HNRNPM: variants seen among roughly 807,000 people sequenced by gnomAD.
HNRNPM encodes CEA receptor.
A neutral mutation model predicts 73.1 loss-of-function variants in HNRNPM; 11 were observed. The observed-to-expected ratio is 0.15, with a 90% confidence interval of 0.09 to 0.25. HNRNPM has a LOEUF of 0.25. Ranked by LOEUF, HNRNPM falls within the 10% of genes least tolerant of loss-of-function variation. The pLI is 1.00. For missense variants in HNRNPM, 789 were observed against 1,067.9 expected (o/e 0.74, Z 3.64); for synonymous variants, 407 against 355.2 (o/e 1.15, Z -1.64).
rs192209997 is a variant in HNRNPM at position 8,453,234 on chromosome 19, C to T, written c.114-2171C>T. On this transcript the variant is annotated intron_variant, in intron 1 of 15. Coordinates refer to ENST00000325495, the MANE Select transcript of HNRNPM (RefSeq NM_005968.5). ...TCAGCTCACTGCAACCTCCGCCCCCCGGGTTCAAGCGATTCTCCTGCCTCA... is the reference window on the plus strand; with the variant it reads ...TCAGCTCACTGCAACCTCCGCCCCCTGGGTTCAAGCGATTCTCCTGCCTCA... Among the ~76,000 whole-genome samples, 448 of 152,132 alleles carry T rather than the reference C, an allele frequency of 2.9e-3. 1 individual carries two copies. The highest frequency in any genetic ancestry group is 6.8e-3 in the Middle Eastern group (2 of 294).
rs544449266 is a variant in HNRNPM at position 8,481,133 on chromosome 19, T to A, written c.1121-2025T>A. On this transcript the variant is annotated intron_variant, in intron 12 of 15. Coordinates refer to ENST00000325495, the MANE Select transcript of HNRNPM (RefSeq NM_005968.5). ...CCCCTTCCTGTGCCTAGGCAGTAGATCTTTGCACTCCTTTGTGCAAACAGC... is the reference window on the plus strand; with the variant it reads ...CCCCTTCCTGTGCCTAGGCAGTAGAACTTTGCACTCCTTTGTGCAAACAGC... Among the ~76,000 whole-genome samples, 27 of 152,326 alleles carry A rather than the reference T, an allele frequency of 1.8e-4. 1 individual carries two copies. In the South Asian group the frequency reaches 5.6e-3, roughly 32 times the overall value.
rs1971512394 is a variant in HNRNPM at position 8,488,937 on chromosome 19, G to GT, written c.*84dup. The GT allele has an allele frequency of 6.4e-6, 8 of 1,243,200 alleles. No homozygotes were observed. Among genetic ancestry groups the GT allele is most frequent in the Non-Finnish European group, 8.9e-6 (8 of 897,538 alleles). The allele number at this position is 1,243,200 out of a possible 1,614,324, so 77.0% of individuals were successfully genotyped here. On this transcript the variant is annotated 3_prime_UTR_variant, in exon 16 of 16. Coordinates refer to ENST00000325495, the MANE Select transcript of HNRNPM (RefSeq NM_005968.5). ...AACCATTTTAATTTGTTGGCTGGAT[G>GT]TATAAAGATGTTTAAAAAATTCAGT...
At chr19:8,483,071 G>A (rs1971033904) in intron 12 of HNRNPM, 87 bp from the exon 13 acceptor site, 10 of 801,512 alleles carry the variant, frequency 1.2e-5, no homozygotes, top group Non-Finnish European at 1.7e-5. Flanking sequence ...TTTATTAGTA[G>A]TATTTCTACT....
intron 1 of HNRNPM, chr19:8,445,544 G>C: frequency 6.4e-6 from 1 of 155,302 alleles, no homozygotes; most frequent in East Asian, 1.9e-4. Context: ...GAGGAGAGAG[G>C]GTGCGCGCCC....
chr19:8,456,714 A>G (rs1187810090), intron 2 of HNRNPM, among the ~76,000 whole-genome samples: 1 of 152,186 alleles, frequency 6.6e-6, no homozygotes, highest in African/African-American at 2.4e-5. Flanking sequence ...TATTTTGACC[A>G]TGACATGCAA....
At chr19:8,472,332 T>C (rs1201068105) in intron 10 of HNRNPM, among the ~76,000 whole-genome samples, 1 of 152,196 alleles carries the variant, frequency 6.6e-6, no homozygotes, top group Non-Finnish European at 1.5e-5. Context: ...GTTGGAATCC[T>C]TTGAAATTGG....
chr19:8,488,896 T>G lies in HNRNPM; in HGVS notation c.*42T>G, dbSNP rs1157537428. ...AACATCGATACGAGACCTCTGAATT[T>G]GTATTTTTTCTTGTTAACCATTTTA... On this transcript the variant is annotated 3_prime_UTR_variant, in exon 16 of 16. Transcript: ENST00000325495. 1 of 1,522,496 alleles carries G rather than the reference T, an allele frequency of 6.6e-7. No individual in the cohort carries two copies. The highest frequency in any genetic ancestry group is 2.3e-5 in the East Asian group (1 of 43,818). The allele number at this position is 1,522,496 out of a possible 1,614,324, so 94.3% of individuals were successfully genotyped here.
chr19:8,462,358 T>C lies in HNRNPM; in HGVS notation c.284-171T>C, dbSNP rs1969462582. On this transcript the variant is annotated intron_variant, in intron 2 of 15. Transcript: ENST00000325495. This position sits in a 1 kb window ranked among gnomAD's most constrained non-coding sequence, Gnocchi z 4.5. Reference sequence around the variant, plus strand: ...ATTGTTAACGTGTTTTCACCTACTTTTACTGCACACCTGTAATGCCTAGTT... The same window carrying C: ...ATTGTTAACGTGTTTTCACCTACTTCTACTGCACACCTGTAATGCCTAGTT... 6.5e-6 allele frequency: 4 copies of C among 619,486 alleles called. No individual in the cohort carries two copies. Among genetic ancestry groups the C allele is most frequent in the Admixed American group, 2.7e-5 (1 of 37,492 alleles). 38.4% of individuals were successfully genotyped at this position (619,486 alleles called of 1,614,324 possible). A position where few individuals can be genotyped will look rare whatever the true frequency, so the allele number is the denominator to read the frequency against.
intron 1 of HNRNPM, among the ~76,000 whole-genome samples, chr19:8,449,327 A>G (rs960569317): frequency 6.6e-6 from 1 of 152,012 alleles, no homozygotes; most frequent in Admixed American, 6.6e-5. Flanking sequence ...CCATTACCAT[A>G]TTTTGCAGTC....
intron 1 of HNRNPM, among the ~76,000 whole-genome samples, 174 bp from the exon 2 acceptor site, chr19:8,455,231 T>G (rs1383002746): frequency 6.6e-6 from 1 of 152,180 alleles, no homozygotes; most frequent in Non-Finnish European, 1.5e-5. Context: ...TCCCCCCTTC[T>G]TGGCTTCCCA....
Position 8,445,021 on chromosome 19 carries a change from C to T in HNRNPM, c.23C>T (p.Ala8Val), listed in dbSNP as rs199864928. MAAGVEA[A>V]AEVAATEIKM... The stretch of plus-strand genomic sequence containing the variant: ...AAAATGGCGGCAGGGGTCGAAGCGG[C>T]GGCGGAGGTGGCGGCGACGGAGATC... Residue 8 changes from alanine to valine, a missense_variant, in exon 1 of 16, where the codon GCG (alanine) becomes GTG (valine). Around this residue, in one of 4 missense-constraint regions of HNRNPM, gnomAD observed 79 missense variants for 70.7 expected, o/e 1.12. Transcript: ENST00000325495. 635 of 1,423,100 alleles carry T rather than the reference C, an allele frequency of 4.5e-4. No homozygotes were observed. Among genetic ancestry groups the T allele is most frequent in the Middle Eastern group, 7.7e-4 (4 of 5,222 alleles). The allele number at this position is 1,423,100 out of a possible 1,614,324, so 88.2% of individuals were successfully genotyped here.
Position 8,455,379 on chromosome 19 carries a change from CT to C in HNRNPM, c.114-19del, listed in dbSNP as rs550925978. 5.0e-3 allele frequency: 7,971 copies of C among 1,593,372 alleles called. 35 individuals are homozygous for C. Among genetic ancestry groups the C allele is most frequent in the Non-Finnish European group, 6.3e-3 (7,324 of 1,168,430 alleles). On this transcript the variant is annotated intron_variant, in intron 1 of 15. Coordinates refer to ENST00000325495, the MANE Select transcript of HNRNPM (RefSeq NM_005968.5). ...TTGTGCTGACATATAAACCCTTTAC[CT>C]TTTTTTCCTCTCTCTCGAATTCAGT...
rs1971497172 is a variant in HNRNPM, at chr19:8,488,699, C to T, written c.2038C>T (p.Leu680=). The change falls in exon 16 of 16, where the codon CTG becomes TTG. Residue 680 remains leucine, a synonymous_variant. Coordinates refer to ENST00000325495, the MANE Select transcript of HNRNPM (RefSeq NM_005968.5). ...KDKFNECGHV[L]YADIKMENGK... is the part of the protein sequence containing the mutation. ...TTCCCTCCCTGTCCTAGGCCACGTG[C>T]TGTACGCCGACATCAAGATGGAGAA... 31 of 1,613,526 alleles carry T rather than the reference C, an allele frequency of 1.9e-5. No homozygotes were observed. The highest frequency in any genetic ancestry group is 2.6e-5 in the Non-Finnish European group (31 of 1,179,616).
intron 1 of HNRNPM, among the ~76,000 whole-genome samples, chr19:8,447,418 G>A (rs1968273143): frequency 6.6e-6 from 1 of 152,146 alleles, no homozygotes; most frequent in Non-Finnish European, 1.5e-5. Flanking sequence ...ATAGAAGTTA[G>A]TGGAGTTGCT....
intron 9 of HNRNPM, among the ~76,000 whole-genome samples, chr19:8,471,024 A>G (rs564283721): frequency 2.0e-5 from 3 of 152,294 alleles, no homozygotes; most frequent in East Asian, 3.9e-4. Context: ...TTGATCAGAC[A>G]GTTCTCAGTC....
At chr19:8,483,858 C>T (rs1436855849) in intron 13 of HNRNPM, among the ~76,000 whole-genome samples, 1 of 152,102 alleles carries the variant, frequency 6.6e-6, no homozygotes, top group African/African-American at 2.4e-5. Context: ...CTCAACTTCC[C>T]AGGCCTAAGC....
chr19:8,473,242 CAAAAACAAA>C (rs1241421318), intron 10 of HNRNPM, among the ~76,000 whole-genome samples: 3 of 151,302 alleles, frequency 2.0e-5, no homozygotes, highest in Non-Finnish European at 4.4e-5. Context: ...GACCCTGTCT[CAAAAACAAA>C]AAAAACACAA....
rs368461223 is a variant in HNRNPM at position 8,465,534 on chromosome 19, C to T, written c.630+19C>T. On this transcript the variant is annotated intron_variant, in intron 6 of 15. Coordinates refer to ENST00000325495, the MANE Select transcript of HNRNPM (RefSeq NM_005968.5). ...AGCAAATGTAAGTAAACAGAACCAT[C>T]GTCTAAAGTAGAAAATCAGAACTTT... 28 of 1,512,544 alleles carry T rather than the reference C, an allele frequency of 1.9e-5. 1 individual carries two copies. Among genetic ancestry groups the T allele is most frequent in the South Asian group, 6.0e-5 (5 of 82,752 alleles). The allele number at this position is 1,512,544 out of a possible 1,614,324, so 93.7% of individuals were successfully genotyped here.
intron 9 of HNRNPM, among the ~76,000 whole-genome samples, chr19:8,469,503 A>G (rs548577025): frequency 1.3e-5 from 2 of 152,356 alleles, no homozygotes; most frequent in Admixed American, 6.5e-5. Flanking sequence ...GTCTTGAACA[A>G]ATAATTTGTA....
Sources: gnomAD v4.1 joint callset for allele counts (sites outside exome capture counted in the v4.1 genomes callset) on GRCh38, gnomAD v4.1.1 for gene constraint, gnomAD v4.1.1 regional missense constraint, Gnocchi (gnomAD v3.1) non-coding constraint, MANE v1.5 for transcripts, NCBI Gene and HGNC (gene_info 2026-07-23, HGNC 2026-07-21) for gene names.